The following MOV10L1 variants were observed in gnomAD, a reference collection of about 807,000 sequenced individuals.
MOV10L1 encodes RNA helicase Mov10l1.
Under a neutral mutation model 143.8 loss-of-function variants are expected in MOV10L1, and 110 were observed. The observed-to-expected ratio is 0.76, with a 90% CI of 0.66 to 0.90. The LOEUF (loss-of-function observed/expected upper bound fraction) is 0.90, where lower values mean the gene tolerates loss of function less well. MOV10L1 is among the 40% of genes least tolerant of loss of function. MOV10L1 has a pLI of 0.00. For synonymous variants in MOV10L1, 593 were observed against 581.1 expected (o/e 1.02, Z -0.29); for missense variants, 1,406 against 1,526.8 (o/e 0.92, Z 1.32).
At chr22:50,157,975 A>G in intron 22 of MOV10L1, 82 bp from the exon 23 acceptor site, 1 of 1,505,166 alleles carries the variant, frequency 6.6e-7, no homozygotes, top group Non-Finnish European at 9.0e-7. Flanking sequence ...GTGTATTCCC[A>G]GCACCGACTT....
chr22:50,096,055 A>G (rs936526735), intron 2 of MOV10L1: 3 of 152,232 alleles, frequency 2.0e-5, no homozygotes, highest in Non-Finnish European at 2.9e-5. Context: ...GTGGTAAAAT[A>G]TGCGTAATAT....
chr22:50,103,104 C>T (rs914888488), intron 3 of MOV10L1, among the ~76,000 whole-genome samples: 1 of 152,082 alleles, frequency 6.6e-6, no homozygotes, highest in Non-Finnish European at 1.5e-5. Context: ...CTAAACACAA[C>T]CCTCTGAGGT....
chr22:50,146,957 C>T (rs190015304), intron 19 of MOV10L1: 39 of 1,062,138 alleles, frequency 3.7e-5, no homozygotes, highest in South Asian at 9.8e-5. Context: ...AGCCACTGTG[C>T]GGTGCCCGAG....
chr22:50,106,255 T>G (rs922363701), intron 3 of MOV10L1, among the ~76,000 whole-genome samples: 6 of 151,722 alleles, frequency 4.0e-5, no homozygotes, highest in African/African-American at 1.5e-4. Flanking sequence ...ATTCCTGGGC[T>G]TAAGTCATCC....
At position 50,113,750 on chromosome 22, in the gene MOV10L1, A is replaced by G. The variant is rs1188373020; in HGVS notation, c.846A>G (p.Leu282=). Residue 282 remains leucine (L), a synonymous_variant, in exon 6 of 27, where the codon CTA becomes CTG. Coordinates refer to ENST00000262794, the MANE Select transcript of MOV10L1 (RefSeq NM_018995.3). ...CACAGGTGACGCATTTTGGAACCCT[A>G]AAGGAAGGAAGAAGTAAAACCATGG... is the stretch of plus-strand genomic sequence containing the variant. ...EVTQVTHFGT[L]KEGRSKTMVI... is the part of the protein sequence containing the mutation. 1.9e-6 allele frequency: 3 copies of G among 1,613,842 alleles called. No homozygotes were observed. Among genetic ancestry groups the G allele is most frequent in the Admixed American group, 1.7e-5 (1 of 59,934 alleles).
chr22:50,144,467 C>T (rs1368350161), intron 18 of MOV10L1, among the ~76,000 whole-genome samples: 1 of 152,228 alleles, frequency 6.6e-6, no homozygotes, highest in Non-Finnish European at 1.5e-5. Flanking sequence ...GTTATCACAC[C>T]TATTGTGGGC....
chr22:50,135,092 C>T (rs1395399930), intron 15 of MOV10L1, among the ~76,000 whole-genome samples: 1 of 151,944 alleles, frequency 6.6e-6, no homozygotes, highest in African/African-American at 2.4e-5. Context: ...TGGCTCACTG[C>T]AACCTCTGCC....
In MOV10L1 at chr22:50,144,140, C is replaced by T; in HGVS notation, c.2402C>T (p.Pro801Leu). Residue 801 changes from proline (P) to leucine (L), a missense_variant, in exon 18 of 27, where the codon CCC becomes CTC. Around this residue, in one of 3 missense-constraint regions of MOV10L1, gnomAD observed 1,233 missense variants for 1,351.4 expected, o/e 0.91. Coordinates refer to ENST00000262794, the MANE Select transcript of MOV10L1 (RefSeq NM_018995.3). The part of the protein sequence containing the change: ...LPDSRILVCA[P>L]SNSAADLVCL... ...GACAGTCGGATTTTAGTCTGTGCGC[C>T]CTCCAACAGTGCTGCTGACCTCGTG... The T allele has an allele frequency of 6.2e-7, 1 of 1,613,384 alleles. No homozygotes were observed. The highest frequency in any genetic ancestry group is 8.5e-7 in the Non-Finnish European group (1 of 1,179,342).
chr22:50,152,953 C>T lies in MOV10L1; in HGVS notation c.2893-92C>T. ...GAGTCAGGCTTGGAAGTCAGGCAGG[C>T]CTCACGTTTGCTGTGCAGAGCCGCT... On this transcript the variant is annotated intron_variant, in intron 21 of 26. Transcript: ENST00000262794. This position sits in a 1 kb window ranked among gnomAD's most constrained non-coding sequence, Gnocchi z 4.4. The T allele has an allele frequency of 7.6e-7, 1 of 1,308,274 alleles. No individual in the cohort carries two copies. 81.0% of individuals were successfully genotyped at this position (1,308,274 alleles called of 1,614,324 possible).
intron 1 of MOV10L1, chr22:50,090,876 A>G (rs2062418826): frequency 7.2e-6 from 2 of 279,104 alleles, no homozygotes; most frequent in Admixed American, 4.8e-5. Context: ...GGGGTTCGCC[A>G]TGTTGGTCAG....
rs1006136801 is a variant in MOV10L1, at chr22:50,160,504, C to T, written c.3325-184C>T. ...TCCTGACCTCGTGATCCTCCCGCCT[C>T]GGCCTCCCAAAGGCTGGGATTACAG... On this transcript the variant is annotated intron_variant, in intron 24 of 26. Coordinates refer to ENST00000262794, the MANE Select transcript of MOV10L1 (RefSeq NM_018995.3). 3.1e-4 allele frequency among the ~76,000 whole-genome samples: 47 copies of T among 152,164 alleles called. 1 individual carries two copies. The highest frequency in any genetic ancestry group is 2.6e-3 in the Admixed American group (39 of 15,286).
Position 50,114,965 on chromosome 22 carries a change from TC to T in MOV10L1, c.1127-147del, listed in dbSNP as rs998821972. ...CAGCTGCTCTCTCTCTTTATGTTTT[TC>T]CAGCCACCACCTGAGGCTTTGCCCC... On this transcript the variant is annotated intron_variant, in intron 7 of 26. Transcript: ENST00000262794. 8.0e-6 allele frequency: 7 copies of T among 876,920 alleles called. No homozygotes were observed. In the Admixed American group the frequency reaches 2.3e-4, roughly 28 times the overall value. 54.3% of individuals were successfully genotyped at this position (876,920 alleles called of 1,614,324 possible).
chr22:50,145,010 T>C (rs1033649377), intron 18 of MOV10L1, among the ~76,000 whole-genome samples: 3 of 152,088 alleles, frequency 2.0e-5, no homozygotes, highest in African/African-American at 7.2e-5. Context: ...TGGTGTGATC[T>C]TGGCTAACTG....
chr22:50,152,981 T>C lies in MOV10L1; in HGVS notation c.2893-64T>C, dbSNP rs2063337074. On this transcript the variant is annotated intron_variant, in intron 21 of 26. Coordinates refer to ENST00000262794, the MANE Select transcript of MOV10L1 (RefSeq NM_018995.3). This position sits in a 1 kb window ranked among gnomAD's most constrained non-coding sequence, Gnocchi z 4.4. ...CACGTTTGCTGTGCAGAGCCGCTTTTCGTTCGACAGAAACTGTGCCGGGTA... is the reference window on the plus strand; with the variant it reads ...CACGTTTGCTGTGCAGAGCCGCTTTCCGTTCGACAGAAACTGTGCCGGGTA... The C allele has an allele frequency of 6.7e-7, 1 of 1,503,218 alleles. No homozygotes were observed. Among genetic ancestry groups the C allele is most frequent in the Non-Finnish European group, 9.0e-7 (1 of 1,108,610 alleles). 93.1% of individuals were successfully genotyped at this position (1,503,218 alleles called of 1,614,324 possible). A position where few individuals can be genotyped will look rare whatever the true frequency, so the allele number is the denominator to read the frequency against.
At chr22:50,134,716 G>C in intron 15 of MOV10L1, 86 bp downstream of exon 15, 2 of 1,162,446 alleles carry the variant, frequency 1.7e-6, no homozygotes, top group Non-Finnish European at 2.6e-6. Context: ...TCAGCGGCGT[G>C]ACTGTCTCTA....
intron 22 of MOV10L1, among the ~76,000 whole-genome samples, chr22:50,156,109 A>T (rs182955682): frequency 6.6e-6 from 1 of 151,710 alleles, no homozygotes; most frequent in Non-Finnish European, 1.5e-5. Context: ...AAAATTTGTC[A>T]TGTTAAAAAC....
At position 50,113,736 on chromosome 22, in the gene MOV10L1, C is replaced by A; in HGVS notation, c.832C>A (p.His278Asn). 5 of 1,613,980 alleles carry A rather than the reference C, an allele frequency of 3.1e-6. No homozygotes were observed. The highest frequency in any genetic ancestry group is 4.2e-6 in the Non-Finnish European group (5 of 1,179,962). ...TGATATTGAAGTTACACAGGTGACG[C>A]ATTTTGGAACCCTAAAGGAAGGAAG... is the stretch of plus-strand genomic sequence containing the variant. ...KGDIEVTQVT[H>N]FGTLKEGRSK... Residue 278 changes from histidine to asparagine, a missense_variant, in exon 6 of 27, where the codon CAT becomes AAT. His to Asn is a moderately conservative substitution (Grantham distance 68). Transcript: ENST00000262794.
At chr22:50,142,051 T>TAA (rs1569030788) in intron 15 of MOV10L1, 30 bp from the exon 16 acceptor site, 2 of 1,594,914 alleles carry the variant, frequency 1.3e-6, no homozygotes, top group Admixed American at 3.5e-5. Context: ...GCTGTTTTTT[T>TAA]AAAACATTTT....
At position 50,115,299 on chromosome 22, in the gene MOV10L1, T is replaced by G. The variant is rs1036190142; in HGVS notation, c.1259+53T>G. ...CGCGTTTTTAAGTTTCTCTGATACT[T>G]CTAGGTTGGGTGTTATAAAAGGTAC... On this transcript the variant is annotated intron_variant, in intron 8 of 26. Transcript: ENST00000262794. 10 of 1,441,758 alleles carry G rather than the reference T, an allele frequency of 6.9e-6. No individual in the cohort carries two copies. In the Admixed American group the frequency reaches 2.6e-4, roughly 38 times the overall value. The allele number at this position is 1,441,758 out of a possible 1,614,324, so 89.3% of individuals were successfully genotyped here.
Sources: gnomAD v4.1 joint callset for allele counts (sites outside exome capture counted in the v4.1 genomes callset) on GRCh38, gnomAD v4.1.1 for gene constraint, gnomAD v4.1.1 regional missense constraint, Gnocchi (gnomAD v3.1) non-coding constraint, MANE v1.5 for transcripts, NCBI Gene and HGNC (gene_info 2026-07-23, HGNC 2026-07-21) for gene names.